The following SLC17A2 variants were observed in gnomAD, a reference collection of about 807,000 sequenced individuals.
SLC17A2 encodes solute carrier family 17 member 2.
In SLC17A2, 38 loss-of-function variants were observed where a neutral mutation model predicts 52.1. The observed-to-expected ratio is 0.73, with a 90% confidence interval of 0.56 to 0.96. The LOEUF is 0.96. Among genes scored for constraint, SLC17A2 ranks in the 40% least tolerant of loss-of-function variants. The probability of loss-of-function intolerance (pLI) is 0.00; values close to 1 mark genes in which losing one functional copy is unlikely to be tolerated. For missense variants in SLC17A2, 508 were observed against 583.9 expected (o/e 0.87, Z 1.34); for synonymous variants, 226 against 211.9 (o/e 1.07, Z -0.58).
chr6:25,919,528 G>A (rs758016712), intron 5 of SLC17A2, among the ~76,000 whole-genome samples: 1 of 150,928 alleles, frequency 6.6e-6, no homozygotes, highest in African/African-American at 2.4e-5. Context: ...TTGAAACCCC[G>A]TCTCTACTAA....
At chr6:25,924,733 C>T (rs1465472628) in intron 2 of SLC17A2, among the ~76,000 whole-genome samples, 3 of 151,158 alleles carry the variant, frequency 2.0e-5, no homozygotes, top group Admixed American at 6.6e-5. Flanking sequence ...CACTTGAACC[C>T]AGGAGGCAGA....
At chr6:25,921,562 T>A in intron 3 of SLC17A2, 150 bp from the exon 4 acceptor site, 1 of 599,520 alleles carries the variant, frequency 1.7e-6, no homozygotes, top group Non-Finnish European at 2.9e-6. Context: ...AAATAACCAA[T>A]TATACCCCTA....
intron 3 of SLC17A2, among the ~76,000 whole-genome samples, chr6:25,921,756 T>C (rs1356994950): frequency 6.6e-6 from 1 of 152,164 alleles, no homozygotes; most frequent in East Asian, 1.9e-4. Flanking sequence ...TTGACTCTTA[T>C]ATCAAAGAAT....
intron 1 of SLC17A2, among the ~76,000 whole-genome samples, chr6:25,929,066 T>A (rs1231866220): frequency 6.6e-6 from 1 of 152,224 alleles, no homozygotes; most frequent in Non-Finnish European, 1.5e-5. Flanking sequence ...TAATGGTCGT[T>A]AGATTGCTCT....
Position 25,916,784 on chromosome 6 carries a change from G to T in SLC17A2, c.831C>A (p.Ala277=), listed in dbSNP as rs774455252. The change falls in exon 8 of 12, where the codon GCC becomes GCA. Residue 277 remains alanine, a synonymous_variant. Coordinates refer to ENST00000377850, the MANE Select transcript of SLC17A2 (RefSeq NM_001286123.3). ...KAMVTCLPLW[A]IFLGFFSHFW... is the part of the protein sequence containing the mutation. The stretch of plus-strand genomic sequence containing the variant: ...AATGGCTGAAAAAACCCAGGAAAAT[G>T]GCCCAAAGTGGTAGGCATGTGACCA... 1.2e-6 allele frequency: 2 copies of T among 1,614,096 alleles called. No individual in the cohort carries two copies. Among genetic ancestry groups the T allele is most frequent in the South Asian group, 2.2e-5 (2 of 91,080 alleles).
At position 25,930,616 on chromosome 6, in the gene SLC17A2, T is replaced by G. The variant is rs540031239; in HGVS notation, c.-423A>C. ...AAAGGAGGGAGTTTTCTGTCCCTTC[T>G]TCCCTTTCAAATACTTTTGCAGATT... On this transcript the variant is annotated 5_prime_UTR_variant, in exon 1 of 12. Coordinates refer to ENST00000377850, the MANE Select transcript of SLC17A2 (RefSeq NM_001286123.3). 7.2e-5 allele frequency: 11 copies of G among 152,246 alleles called. No individual in the cohort carries two copies. Among genetic ancestry groups the G allele is most frequent in the Non-Finnish European group, 1.6e-4 (11 of 68,044 alleles). The allele number at this position is 152,246 out of a possible 1,614,324, so 9.4% of individuals were successfully genotyped here.
In SLC17A2 at chr6:25,916,968, C is replaced by T; in HGVS notation, c.768+1G>A. 1.2e-6 allele frequency: 2 copies of T among 1,612,000 alleles called. No homozygotes were observed. The highest frequency in any genetic ancestry group is 8.5e-7 in the Non-Finnish European group (1 of 1,178,072). On this transcript the variant is annotated splice_donor_variant, in intron 7 of 11. Transcript: ENST00000377850. LOFTEE classifies it high-confidence loss of function. ...CCACAGGTACAAGGTGTGCACTGTA[C>T]CTGTTGAGCCAGTGAGGACAGGATG...
At chr6:25,920,037 T>A (rs7749342) in intron 5 of SLC17A2, among the ~76,000 whole-genome samples, 3 of 151,964 alleles carry the variant, frequency 2.0e-5, no homozygotes, top group Non-Finnish European at 2.9e-5. Context: ...AGTAAAAATG[T>A]GCCATCTTTA....
Position 25,913,327 on chromosome 6 carries a change from G to A in SLC17A2, c.1427C>T (p.Thr476Ile). 1 of 1,614,136 alleles carries A rather than the reference G, an allele frequency of 6.2e-7. No homozygotes were observed. Among genetic ancestry groups the A allele is most frequent in the South Asian group, 1.1e-5 (1 of 91,084 alleles). Reference protein sequence around the residue: ...LQDWAKERTLTRL With the variant: ...LQDWAKERTLIRL Reference sequence around the variant, plus strand: ...TGTAACTTTATGTCCTCAGAGGCGGGTAAGGGTCCTCTCTTTGGCCCAGTC... The same window carrying A: ...TGTAACTTTATGTCCTCAGAGGCGGATAAGGGTCCTCTCTTTGGCCCAGTC... Residue 476 changes from threonine (T) to isoleucine (I), a missense_variant, in exon 12 of 12, where the codon ACC becomes ATC. By Grantham distance (89) the Thr-to-Ile change is moderately conservative. Coordinates refer to ENST00000377850, the MANE Select transcript of SLC17A2 (RefSeq NM_001286123.3).
chr6:25,919,697 C>A (rs1766470962), intron 5 of SLC17A2, among the ~76,000 whole-genome samples: 1 of 25,750 alleles, frequency 3.9e-5, no homozygotes, highest in Non-Finnish European at 6.6e-5. Context: ...GAGACACCGT[C>A]TCAAAAAAAA....
At chr6:25,929,170 CAT>C (rs1485932806) in intron 1 of SLC17A2, among the ~76,000 whole-genome samples, 1 of 152,130 alleles carries the variant, frequency 6.6e-6, no homozygotes, top group African/African-American at 2.4e-5. Context: ...GATCAAAGAG[CAT>C]GAACCTGCAG....
At chr6:25,929,923 C>T (rs1766893398) in intron 1 of SLC17A2, among the ~76,000 whole-genome samples, 1 of 152,212 alleles carries the variant, frequency 6.6e-6, no homozygotes, top group Non-Finnish European at 1.5e-5. Flanking sequence ...CCTCAGCCTT[C>T]TGAATAGCTG....
At chr6:25,918,955 C>G (rs901616238) in intron 5 of SLC17A2, among the ~76,000 whole-genome samples, 1 of 152,260 alleles carries the variant, frequency 6.6e-6, no homozygotes, top group Non-Finnish European at 1.5e-5. Context: ...CGGTAAGATA[C>G]AGCCCCTGCC....
chr6:25,915,634 G>C lies in SLC17A2; in HGVS notation c.1076C>G (p.Pro359Arg). Residue 359 changes from proline (P) to arginine (R), a missense_variant, in exon 10 of 12, where the codon CCA becomes CGA. Pro to Arg is a moderately radical substitution (Grantham distance 103). Transcript: ENST00000377850. ...GGGCAGGGCCACAGCACATATTGAT[G>C]GAAGGAGGAGCCCTGGGCAATGAGG... The part of the protein sequence containing the change: ...KLFSSLGLLL[P>R]SICAVALPFV... 1 of 1,613,854 alleles carries C rather than the reference G, an allele frequency of 6.2e-7. No individual in the cohort carries two copies. The highest frequency in any genetic ancestry group is 8.5e-7 in the Non-Finnish European group (1 of 1,179,848).
intron 1 of SLC17A2, among the ~76,000 whole-genome samples, chr6:25,926,107 T>TAAACAG: frequency 6.6e-6 from 1 of 152,300 alleles, no homozygotes; most frequent in Non-Finnish European, 1.5e-5. Flanking sequence ...ATCATTCATT[T>TAAACAG]CCTCATCTGT....
rs1766653094 is a variant in SLC17A2, at chr6:25,923,842, C to T, written c.93G>A (p.Met31Ile). 1.9e-6 allele frequency: 3 copies of T among 1,614,072 alleles called. No homozygotes were observed. Among genetic ancestry groups the T allele is most frequent in the Non-Finnish European group, 2.5e-6 (3 of 1,180,042 alleles). The change falls in exon 3 of 12, where the codon ATG becomes ATA. Residue 31 changes from methionine to isoleucine, a missense_variant. Met to Ile is a conservative substitution (Grantham distance 10). Transcript: ENST00000377850. ...TGCTCAGACTCACACGCTGCGTTAT[C>T]ATGGTGAAGTTTGAGAAGTGCATGA... is the stretch of plus-strand genomic sequence containing the variant. Reference protein sequence around the residue: ...ALIMHFSNFTMITQRVSLSIA... With the variant: ...ALIMHFSNFTIITQRVSLSIA...
chr6:25,929,799 T>G (rs1331325280), intron 1 of SLC17A2, among the ~76,000 whole-genome samples: 1 of 152,048 alleles, frequency 6.6e-6, no homozygotes, highest in Non-Finnish European at 1.5e-5. Context: ...CTCCTTTTCT[T>G]TTATTATTAT....
intron 1 of SLC17A2, among the ~76,000 whole-genome samples, chr6:25,928,230 T>G (rs1226276982): frequency 6.6e-6 from 1 of 151,922 alleles, no homozygotes; most frequent in Non-Finnish European, 1.5e-5. Flanking sequence ...TATTACAACT[T>G]CCCCTTTGTT....
At chr6:25,924,194 T>C (rs559358263) in intron 2 of SLC17A2, among the ~76,000 whole-genome samples, 13 of 152,294 alleles carry the variant, frequency 8.5e-5, no homozygotes, top group African/African-American at 3.1e-4. Context: ...ATTTATGTCA[T>C]ATTGCTCCAA....
Sources: gnomAD v4.1 joint callset for allele counts (sites outside exome capture counted in the v4.1 genomes callset) on GRCh38, gnomAD v4.1.1 for gene constraint, MANE v1.5 for transcripts, NCBI Gene and HGNC (gene_info 2026-07-23, HGNC 2026-07-21) for gene names.